Variants in PTPN4 observed in about 807,000 individuals in gnomAD.
PTPN4 encodes the protein tyrosine-protein phosphatase non-receptor type 4.
A neutral mutation model predicts 135.5 loss-of-function variants in PTPN4; 49 were observed. The observed-to-expected ratio is 0.36, with a 90% confidence interval of 0.29 to 0.46. PTPN4 has a LOEUF of 0.46. Ranked by LOEUF, PTPN4 falls within the 20% of genes least tolerant of loss-of-function variation. The pLI, the probability that PTPN4 is intolerant of heterozygous loss-of-function variation, is 1.00. For missense variants in PTPN4, 860 were observed against 1,101.0 expected (o/e 0.78, Z 3.10); for synonymous variants, 333 against 369.9 (o/e 0.90, Z 1.14).
At chr2:119,793,005 T>G (rs1170315147) in intron 1 of PTPN4, among the ~76,000 whole-genome samples, 1 of 152,182 alleles carries the variant, frequency 6.6e-6, no homozygotes, top group Non-Finnish European at 1.5e-5. Flanking sequence ...CTGATGAAGT[T>G]TCATGTCCCA....
Position 119,960,855 on chromosome 2 carries a change from G to A in PTPN4, c.2182G>A (p.Gly728Arg). The change falls in exon 23 of 27, where the codon GGG becomes AGG. Residue 728 changes from glycine to arginine, a missense_variant. Gly to Arg is a moderately radical substitution (Grantham distance 125). This residue lies in a region of PTPN4 where 176 missense variants were observed against 294.1 expected (regional missense o/e 0.60). Coordinates refer to ENST00000263708, the MANE Select transcript of PTPN4 (RefSeq NM_002830.4). ...SIINQYIACQ[G>R]PLPHTCTDFW... ...TATAAATCAGTACATTGCTTGTCAA[G>A]GGCCATTACCACACACTTGTACAGA... 6.2e-7 allele frequency: 1 copy of A among 1,613,560 alleles called. No homozygotes were observed. The highest frequency in any genetic ancestry group is 8.5e-7 in the Non-Finnish European group (1 of 1,179,802).
intron 2 of PTPN4, among the ~76,000 whole-genome samples, chr2:119,837,969 C>T (rs1677321074): frequency 6.6e-6 from 1 of 152,224 alleles, no homozygotes; most frequent in African/African-American, 2.4e-5. Flanking sequence ...CGCTGCTCCG[C>T]GCCTGACTCG....
chr2:119,974,545 A>C (rs1013980086), intron 26 of PTPN4, among the ~76,000 whole-genome samples: 8 of 151,970 alleles, frequency 5.3e-5, no homozygotes, highest in African/African-American at 1.9e-4. Flanking sequence ...AGATTGTCCT[A>C]TTTTTGGCCA....
chr2:119,813,439 G>A (rs1444276483), intron 2 of PTPN4, among the ~76,000 whole-genome samples: 1 of 151,864 alleles, frequency 6.6e-6, no homozygotes, highest in Admixed American at 6.6e-5. Context: ...TAGAGACAGG[G>A]TTTCTTCATG....
At chr2:119,796,175 G>C (rs559439532) in intron 1 of PTPN4, among the ~76,000 whole-genome samples, 1 of 152,330 alleles carries the variant, frequency 6.6e-6, no homozygotes, top group African/African-American at 2.4e-5. Context: ...TGCTGCCACT[G>C]CTCTGGCCTC....
At chr2:119,845,143 GAGGCAGGAGAATC>G (rs1677471321) in intron 2 of PTPN4, among the ~76,000 whole-genome samples, 1 of 148,854 alleles carries the variant, frequency 6.7e-6, no homozygotes, top group Non-Finnish European at 1.5e-5. Flanking sequence ...TGGGCAGGCT[GAGGCAGGAGAATC>G]AGGCAGGGAG....
At chr2:119,847,152 A>G (rs1677511243) in intron 2 of PTPN4, among the ~76,000 whole-genome samples, 1 of 148,278 alleles carries the variant, frequency 6.7e-6, no homozygotes, top group Non-Finnish European at 1.5e-5. Context: ...CACTATAATT[A>G]TATACATATA....
At chr2:119,853,884 A>G (rs1379345150) in intron 2 of PTPN4, among the ~76,000 whole-genome samples, 1 of 152,132 alleles carries the variant, frequency 6.6e-6, no homozygotes, top group East Asian at 1.9e-4. Flanking sequence ...GACCGATTAG[A>G]TAAACAACAC....
intron 10 of PTPN4, among the ~76,000 whole-genome samples, chr2:119,910,838 C>T (rs1678560918): frequency 6.6e-6 from 1 of 152,098 alleles, no homozygotes; most frequent in Admixed American, 6.5e-5. Flanking sequence ...GTCAATTAAA[C>T]CTCTTTCCCC....
In PTPN4 at chr2:119,784,369, C is replaced by A. The variant is rs1163810813; in HGVS notation, c.-18+23985C>A. ...AGTAGCTGGGGCTACAGGTGCACACCACCATGCCCACCTAATTTTTTTTTT... is the reference window on the plus strand; with the variant it reads ...AGTAGCTGGGGCTACAGGTGCACACAACCATGCCCACCTAATTTTTTTTTT... On this transcript the variant is annotated intron_variant, in intron 1 of 26. Transcript: ENST00000263708. Among the ~76,000 whole-genome samples, 20 of 146,726 alleles carry A rather than the reference C, an allele frequency of 1.4e-4. 1 individual carries two copies. Among genetic ancestry groups the A allele is most frequent in the Admixed American group, 1.3e-3 (18 of 13,964 alleles).
intron 3 of PTPN4, among the ~76,000 whole-genome samples, chr2:119,865,127 G>A (rs1287039640): frequency 6.6e-6 from 1 of 152,076 alleles, no homozygotes; most frequent in African/African-American, 2.4e-5. Context: ...ATGCCAAAAT[G>A]TGTCCACAGA....
chr2:119,881,760 A>G lies in PTPN4; in HGVS notation c.369-26A>G, dbSNP rs199679517. The G allele has an allele frequency of 6.2e-6, 9 of 1,462,424 alleles. No homozygotes were observed. The East Asian group carries it at 1.6e-4, about 26-fold the overall frequency. 90.6% of individuals were successfully genotyped at this position (1,462,424 alleles called of 1,614,324 possible). A position where few individuals can be genotyped will look rare whatever the true frequency, so the allele number is the denominator to read the frequency against. ...AATTGTTACAATTCTATTAAATGCT[A>G]TCCTTTTTGTTTGTTTGTTTTTAAG... On this transcript the variant is annotated intron_variant, in intron 5 of 26. Coordinates refer to ENST00000263708, the MANE Select transcript of PTPN4 (RefSeq NM_002830.4).
At chr2:119,925,325 C>T (rs1278050889) in intron 12 of PTPN4, among the ~76,000 whole-genome samples, 2 of 152,148 alleles carry the variant, frequency 1.3e-5, no homozygotes, top group Non-Finnish European at 2.9e-5. Context: ...ATAGCCCCTG[C>T]AAAACATAGG....
At chr2:119,769,556 A>G (rs1690697667) in intron 1 of PTPN4, among the ~76,000 whole-genome samples, 1 of 152,208 alleles carries the variant, frequency 6.6e-6, no homozygotes, top group Non-Finnish European at 1.5e-5. Flanking sequence ...GGAAGAGTGT[A>G]ATAAACTAAA....
intron 1 of PTPN4, among the ~76,000 whole-genome samples, chr2:119,778,044 C>G (rs958130952): frequency 3.3e-5 from 5 of 151,828 alleles, no homozygotes; most frequent in Non-Finnish European, 7.4e-5. Context: ...CACTAAACCT[C>G]TAACTAATAA....
intron 9 of PTPN4, among the ~76,000 whole-genome samples, chr2:119,895,516 T>C (rs1678308097): frequency 6.6e-6 from 1 of 151,906 alleles, no homozygotes. Context: ...GGTGGGTGCC[T>C]GTAATCCCAG....
chr2:119,776,413 A>G (rs1273221533), intron 1 of PTPN4, among the ~76,000 whole-genome samples: 2 of 152,154 alleles, frequency 1.3e-5, no homozygotes, highest in Non-Finnish European at 2.9e-5. Flanking sequence ...TGACCTTGTG[A>G]TCCGCCCTCC....
intron 1 of PTPN4, among the ~76,000 whole-genome samples, chr2:119,801,060 A>T (rs552567739): frequency 6.6e-6 from 1 of 151,876 alleles, no homozygotes; most frequent in East Asian, 1.9e-4. Context: ...TTTTGCTACA[A>T]TGATTCCTTT....
At position 119,852,275 on chromosome 2, in the gene PTPN4, G is replaced by A. The variant is rs774556118; in HGVS notation, c.139-10261G>A. Among the ~76,000 whole-genome samples, 15 of 152,268 alleles carry A rather than the reference G, an allele frequency of 9.9e-5. 1 individual carries two copies. Among genetic ancestry groups the A allele is most frequent in the Admixed American group, 4.6e-4 (7 of 15,290 alleles). Reference sequence around the variant, plus strand: ...GAAAAAAAATTAGGTCTAAGCCAACGGGGATCAGCTTAGGTTGTGCGGTCT... The same window carrying A: ...GAAAAAAAATTAGGTCTAAGCCAACAGGGATCAGCTTAGGTTGTGCGGTCT... On this transcript the variant is annotated intron_variant, in intron 2 of 26. Coordinates refer to ENST00000263708, the MANE Select transcript of PTPN4 (RefSeq NM_002830.4).
Sources: allele counts gnomAD v4.1 joint callset (sites outside exome capture counted in the v4.1 genomes callset), GRCh38; gene constraint gnomAD v4.1.1; regional missense constraint gnomAD v4.1.1; transcripts MANE v1.5; gene names NCBI Gene and HGNC (gene_info 2026-07-23, HGNC 2026-07-21).